Variants in CSH1 observed in about 807,000 individuals in gnomAD.
The protein encoded by CSH1 is chorionic somatomammotropin hormone 1, also known as Chorionic somatomammotropin hormone 2.
Under a neutral mutation model 19.4 loss-of-function variants are expected in CSH1, and 17 were observed. That is an observed-to-expected ratio of 0.88 (90% CI 0.60 to 1.31). CSH1 has a LOEUF of 1.31. Ranked by LOEUF, CSH1 falls within the 40% of genes most tolerant of loss-of-function variation. CSH1 has a pLI of 0.00. For missense variants in CSH1, 190 were observed against 243.1 expected (o/e 0.78, Z 1.45); for synonymous variants, 72 against 104.6 (o/e 0.69, Z 1.90).
Position 63,895,449 on chromosome 17 carries a change from G to A in CSH1, c.456+24C>T, listed in dbSNP as rs775299312. The A allele has an allele frequency of 1.7e-5, 27 of 1,612,860 alleles. 1 individual carries two copies. The highest frequency in any genetic ancestry group is 5.0e-5 in the Admixed American group (3 of 59,920). On this transcript the variant is annotated intron_variant, in intron 4 of 4. Transcript: ENST00000316193. ...TCGAAGCCAGTGGGGTTCCAGGATT[G>A]GTGACCCCTGGCGCCACCCTCACCC...
chr17:63,894,996 G>C lies in CSH1; in HGVS notation c.*26C>G. The C allele has an allele frequency of 6.2e-7, 1 of 1,612,910 alleles. No homozygotes were observed. Among genetic ancestry groups the C allele is most frequent in the South Asian group, 1.1e-5 (1 of 91,068 alleles). ...TCAGGGCCAGGAGAGGCACTGGGGA[G>C]GGGTCACAGGATGCTACTCGGGCAC... is the stretch of plus-strand genomic sequence containing the variant. On this transcript the variant is annotated 3_prime_UTR_variant, in exon 5 of 5. Coordinates refer to ENST00000316193, the MANE Select transcript of CSH1 (RefSeq NM_001317.6).
rs1332248513 is a variant in CSH1 at position 63,895,036 on chromosome 17, T to A, written c.640A>T (p.Ser214Cys). The change falls in exon 5 of 5, where the codon AGC becomes TGC. Residue 214 changes from serine (S) to cysteine (C), a missense_variant. Coordinates refer to ENST00000316193, the MANE Select transcript of CSH1 (RefSeq NM_001317.6). ...TACTCGGGCACCTAGAAGCCACAGC[T>A]GCCCTCCACAGAGCGGCACTGCACC... ...RMVQCRSVEG[S>C]CGF 3.7e-6 allele frequency: 6 copies of A among 1,612,946 alleles called. No individual in the cohort carries two copies. In the African/African-American group the frequency reaches 5.4e-5, roughly 14 times the overall value.
Position 63,895,583 on chromosome 17 carries a change from C to T in CSH1, c.346G>A (p.Val116Met), listed in dbSNP as rs771447081. ...GCGAACATACTCCTGAGGAACCGCA[C>T]GGGCTCCAGCCACGACTCGATGAGC... ...LLLIESWLEP[V>M]RFLRSMFANN... The change falls in exon 4 of 5, where the codon GTG becomes ATG. Residue 116 changes from valine (V) to methionine (M), a missense_variant. Coordinates refer to ENST00000316193, the MANE Select transcript of CSH1 (RefSeq NM_001317.6). 1.4e-5 allele frequency: 23 copies of T among 1,589,612 alleles called. 1 individual carries two copies. Among genetic ancestry groups the T allele is most frequent in the Non-Finnish European group, 1.8e-5 (21 of 1,172,282 alleles).
At chr17:63,895,354 T>C (rs1409315737) in intron 4 of CSH1, 119 bp downstream of exon 4, 12 of 1,612,808 alleles carry the variant, frequency 7.4e-6, no homozygotes, top group Non-Finnish European at 9.3e-6. Flanking sequence ...AAATGAAGAA[T>C]AAGGTGAGTT....
In CSH1 at chr17:63,895,112, C is replaced by T; in HGVS notation, c.564G>A (p.Leu188=). ...CCATGTCCTTCCTGAAGCAGTAGAG[C>T]AGCCCGTAGTTCTTGAGCAGTGCGT... The part of the protein sequence containing the change: ...NHDALLKNYG[L]LYCFRKDMDK... The change falls in exon 5 of 5, where the codon CTG becomes CTA. Residue 188 remains leucine (L), a synonymous_variant. Coordinates refer to ENST00000316193, the MANE Select transcript of CSH1 (RefSeq NM_001317.6). The T allele has an allele frequency of 6.2e-7, 1 of 1,612,848 alleles. No homozygotes were observed. The highest frequency in any genetic ancestry group is 8.5e-7 in the Non-Finnish European group (1 of 1,179,602).
rs560990518 is a variant in CSH1 at position 63,896,479 on chromosome 17, A to G, written c.10+23T>C. 7.9e-5 allele frequency: 128 copies of G among 1,612,866 alleles called. 2 individuals carry two copies. The South Asian group carries it at 1.4e-3, about 17-fold the overall frequency. On this transcript the variant is annotated intron_variant, in intron 1 of 4. Coordinates refer to ENST00000316193, the MANE Select transcript of CSH1 (RefSeq NM_001317.6). ...TCTCCCCTCAGGACACGTTGTGCCC[A>G]AAGGGATTTTAGGGGCGCTTACCTG...
At position 63,895,382 on chromosome 17, in the gene CSH1, T is replaced by G. The variant is rs2320123; in HGVS notation, c.456+91A>C. On this transcript the variant is annotated intron_variant, in intron 4 of 4. Coordinates refer to ENST00000316193, the MANE Select transcript of CSH1 (RefSeq NM_001317.6). ...GGTGAGTTCTCTTGGGTCAGCGCCT[T>G]ACTGCTAAAAAGAGGGCAGCAGTAT... 1,231 of 1,611,802 alleles carry G rather than the reference T, an allele frequency of 7.6e-4. 19 individuals carry two copies. The East Asian group carries it at 7.8e-3, about 10-fold the overall frequency.
intron 4 of CSH1, 56 bp downstream of exon 4, chr17:63,895,417 C>A: frequency 1.2e-6 from 2 of 1,612,902 alleles, no homozygotes; most frequent in Non-Finnish European, 1.7e-6. Context: ...TTTCTCTCCC[C>A]CAGCCCTCGA....
chr17:63,896,249 G>T lies in CSH1; in HGVS notation c.11-14C>A. ...ACGTCCGGGAGCCTGGGGAGAAACC[G>T]GAGGGCAATGGAGGGAGCCGGAGAG... is the stretch of plus-strand genomic sequence containing the variant. On this transcript the variant is annotated splice_polypyrimidine_tract_variant and intron_variant, in intron 1 of 4. Coordinates refer to ENST00000316193, the MANE Select transcript of CSH1 (RefSeq NM_001317.6). The T allele has an allele frequency of 6.7e-7, 1 of 1,487,788 alleles. No homozygotes were observed. Among genetic ancestry groups the T allele is most frequent in the Non-Finnish European group, 8.9e-7 (1 of 1,122,124 alleles). 92.2% of individuals were successfully genotyped at this position (1,487,788 alleles called of 1,614,324 possible). A position where few individuals can be genotyped will look rare whatever the true frequency, so the allele number is the denominator to read the frequency against.
At chr17:63,895,993 G>T in intron 2 of CSH1, 82 bp downstream of exon 2, 1 of 643,634 alleles carries the variant, frequency 1.6e-6, no homozygotes, top group Admixed American at 3.9e-5. Context: ...GAGCTCCTTA[G>T]TCTCCTCCCA....
chr17:63,896,333 C>A, intron 1 of CSH1, 98 bp from the exon 2 acceptor site: 1 of 1,603,622 alleles, frequency 6.2e-7, no homozygotes, highest in Non-Finnish European at 8.5e-7. Flanking sequence ...CTCTCTCCAT[C>A]CCTCCAGAGA....
At chr17:63,895,394 G>A (rs771869720) in intron 4 of CSH1, 79 bp downstream of exon 4, 1 of 1,612,952 alleles carries the variant, frequency 6.2e-7, no homozygotes, top group Non-Finnish European at 8.5e-7. Flanking sequence ...CTGCTAAAAA[G>A]AGGGCAGCAG....
At chr17:63,895,416 C>T (rs765400430) in intron 4 of CSH1, 57 bp downstream of exon 4, 3 of 1,612,952 alleles carry the variant, frequency 1.9e-6, no homozygotes, top group Non-Finnish European at 2.5e-6. Flanking sequence ...ATTTCTCTCC[C>T]CCAGCCCTCG....
At chr17:63,895,928 A>G in intron 2 of CSH1, 78 bp from the exon 3 acceptor site, 4 of 487,002 alleles carry the variant, frequency 8.2e-6, no homozygotes, top group Non-Finnish European at 1.3e-5. Flanking sequence ...CTTTTCTGGG[A>G]ACCTGGCTCA....
In CSH1 at chr17:63,895,558, G is replaced by A. The variant is rs1426728052; in HGVS notation, c.371C>T (p.Ala124Val). 8 of 1,604,628 alleles carry A rather than the reference G, an allele frequency of 5.0e-6. No individual in the cohort carries two copies. The highest frequency in any genetic ancestry group is 6.8e-6 in the Non-Finnish European group (8 of 1,177,606). ...CGAGGTGTCATACACCAGGTTGTTG[G>A]CGAACATACTCCTGAGGAACCGCAC... is the stretch of plus-strand genomic sequence containing the variant. The part of the protein sequence containing the change: ...EPVRFLRSMF[A>V]NNLVYDTSDS... Residue 124 changes from alanine (A) to valine (V), a missense_variant, in exon 4 of 5, where the codon GCC becomes GTC. By Grantham distance (64) the Ala-to-Val change is moderately conservative. Coordinates refer to ENST00000316193, the MANE Select transcript of CSH1 (RefSeq NM_001317.6).
chr17:63,896,099 C>T lies in CSH1; in HGVS notation c.147G>A (p.Leu49=). Residue 49 remains leucine (L), a synonymous_variant, in exon 2 of 5, where the codon CTG becomes CTA. Coordinates refer to ENST00000316193, the MANE Select transcript of CSH1 (RefSeq NM_001317.6). ...CAAACTCCTGGTAGGTGTCAATGGCCAGCTGGTGCGCGCGATGGGCTTGGA... is the reference window on the plus strand; with the variant it reads ...CAAACTCCTGGTAGGTGTCAATGGCTAGCTGGTGCGCGCGATGGGCTTGGA... ...AMLQAHRAHQ[L]AIDTYQEFEE... is the part of the protein sequence containing the mutation. The T allele has an allele frequency of 2.1e-6, 2 of 967,510 alleles. No homozygotes were observed. Among genetic ancestry groups the T allele is most frequent in the South Asian group, 1.6e-5 (1 of 60,646 alleles). The allele number at this position is 967,510 out of a possible 1,614,324, so 59.9% of individuals were successfully genotyped here. A position where few individuals can be genotyped will look rare whatever the true frequency, so the allele number is the denominator to read the frequency against.
At position 63,896,495 on chromosome 17, in the gene CSH1, C is replaced by T. The variant is rs749453587; in HGVS notation, c.10+7G>A. 6.8e-6 allele frequency: 11 copies of T among 1,613,066 alleles called. No homozygotes were observed. Among genetic ancestry groups the T allele is most frequent in the East Asian group, 2.2e-5 (1 of 44,896 alleles). On this transcript the variant is annotated splice_region_variant and intron_variant, in intron 1 of 4. Transcript: ENST00000316193. Reference sequence around the variant, plus strand: ...GTTGTGCCCAAAGGGATTTTAGGGGCGCTTACCTGGAGCCATTGCCACTAG... The same window carrying T: ...GTTGTGCCCAAAGGGATTTTAGGGGTGCTTACCTGGAGCCATTGCCACTAG...
chr17:63,895,148 C>A lies in CSH1; in HGVS notation c.528G>T (p.Ser176=), dbSNP rs551897502. The change falls in exon 5 of 5, where the codon TCG becomes TCT. Residue 176 remains serine (S), a synonymous_variant. Transcript: ENST00000316193. ...TCTTGAGCAGTGCGTCATGGTTGTGCGAGTTTGTGTCAAACTTGCTGTAGG... is the reference window on the plus strand; with the variant it reads ...TCTTGAGCAGTGCGTCATGGTTGTGAGAGTTTGTGTCAAACTTGCTGTAGG... ...KQTYSKFDTN[S]HNHDALLKNY... is the part of the protein sequence containing the mutation. 8 of 1,611,752 alleles carry A rather than the reference C, an allele frequency of 5.0e-6. No homozygotes were observed. Among genetic ancestry groups the A allele is most frequent in the Non-Finnish European group, 6.8e-6 (8 of 1,179,232 alleles).
chr17:63,895,463 C>T lies in CSH1; in HGVS notation c.456+10G>A. The T allele has an allele frequency of 6.2e-7, 1 of 1,612,762 alleles. No homozygotes were observed. Among genetic ancestry groups the T allele is most frequent in the Non-Finnish European group, 8.5e-7 (1 of 1,179,710 alleles). ...GTTCCAGGATTGGTGACCCCTGGCG[C>T]CACCCTCACCCCCATCAGCGTTTGG... On this transcript the variant is annotated intron_variant, in intron 4 of 4. Transcript: ENST00000316193.
Sources: allele counts gnomAD v4.1 joint callset, GRCh38; gene constraint gnomAD v4.1.1; transcripts MANE v1.5; gene names NCBI Gene and HGNC (gene_info 2026-07-23, HGNC 2026-07-21).